Variants in PLD5 observed in about 807,000 individuals in gnomAD.
PLD5 encodes phospholipase D family member 5, also known as inactive phospholipase D5.
A neutral mutation model predicts 61.1 loss-of-function variants in PLD5; 36 were observed. The observed-to-expected ratio is 0.59, with a 90% CI of 0.45 to 0.78. PLD5 has a LOEUF of 0.78. Ranked by LOEUF, PLD5 falls within the 30% of genes least tolerant of loss-of-function variation. The probability of loss-of-function intolerance (pLI) is 0.00; values close to 1 mark genes in which losing one functional copy is unlikely to be tolerated. For missense variants in PLD5, 515 were observed against 644.4 expected (o/e 0.80, Z 2.17); for synonymous variants, 243 against 242.8 (o/e 1.00, Z -0.01).
chr1:242,148,262 AAATT>A (rs1005380830), intron 5 of PLD5, among the ~76,000 whole-genome samples: 2 of 150,026 alleles, frequency 1.3e-5, no homozygotes, highest in African/African-American at 2.4e-5. Context: ...CACTTGTTGA[AAATT>A]AATCGGCTTT....
chr1:242,529,800 T>TTCCC, the PLD5 span, among the ~76,000 whole-genome samples: 1 of 149,738 alleles, frequency 6.7e-6, no homozygotes, highest in African/African-American at 2.5e-5. Flanking sequence ...CCTTCCTTCC[T>TTCCC]TCCTTCCTTC....
At chr1:242,483,395 C>G (rs1667851466) in intron 1 of PLD5, among the ~76,000 whole-genome samples, 1 of 152,088 alleles carries the variant, frequency 6.6e-6, no homozygotes, top group African/African-American at 2.4e-5. Context: ...CAAAAAAAGG[C>G]AGGGGTTTCA....
intron 1 of PLD5, among the ~76,000 whole-genome samples, chr1:242,463,826 T>G (rs1384842659): frequency 6.6e-6 from 1 of 152,038 alleles, no homozygotes; most frequent in East Asian, 1.9e-4. Context: ...GCATACAGAA[T>G]ACTATTATTT....
intron 2 of PLD5, among the ~76,000 whole-genome samples, chr1:242,289,327 C>A (rs1462235472): frequency 3.3e-5 from 5 of 152,022 alleles, no homozygotes; most frequent in Admixed American, 1.3e-4. Flanking sequence ...CTTTATTAAG[C>A]TTTATTTATT....
In PLD5 at chr1:242,340,448, G is replaced by T. The variant is rs368232137; in HGVS notation, c.326+7658C>A. Among the ~76,000 whole-genome samples, 80 of 151,796 alleles carry T rather than the reference G, an allele frequency of 5.3e-4. 2 individuals carry two copies. The South Asian group carries it at 0.015, about 29-fold the overall frequency. ...GGGAAAATTTATAGTTTAAGAAAAG[G>T]GTGAAAAATGATAATAAGCTCTTCC... On this transcript the variant is annotated intron_variant, in intron 2 of 9. Coordinates refer to ENST00000536534, the MANE Select transcript of PLD5 (RefSeq NM_001372062.1).
At chr1:242,428,247 G>A (rs1048267137) in intron 1 of PLD5, among the ~76,000 whole-genome samples, 5 of 152,300 alleles carry the variant, frequency 3.3e-5, no homozygotes, top group Admixed American at 2.6e-4. Context: ...AAATCTGGTG[G>A]ATGAGAGAAA....
intron 1 of PLD5, among the ~76,000 whole-genome samples, chr1:242,493,325 A>G (rs999349138): frequency 2.6e-5 from 4 of 152,160 alleles, no homozygotes; most frequent in Admixed American, 6.5e-5. Flanking sequence ...GGGTTGGCCC[A>G]CAAGCTGGGA....
In PLD5 at chr1:242,173,139, G is replaced by A. The variant is rs544636178; in HGVS notation, c.735+46849C>T. On this transcript the variant is annotated intron_variant, in intron 5 of 9. Coordinates refer to ENST00000536534, the MANE Select transcript of PLD5 (RefSeq NM_001372062.1). ...GTCCCTGTTTGCAGATGACATGATTGTATATCTAGAAAACCCCATCGTCTC... is the reference window on the plus strand; with the variant it reads ...GTCCCTGTTTGCAGATGACATGATTATATATCTAGAAAACCCCATCGTCTC... 8.0e-3 allele frequency among the ~76,000 whole-genome samples: 1,220 copies of A among 152,222 alleles called. 21 individuals carry two copies. Among genetic ancestry groups the A allele is most frequent in the African/African-American group, 0.028 (1,166 of 41,530 alleles).
chr1:242,335,578 A>C (rs1326025312), intron 2 of PLD5, among the ~76,000 whole-genome samples: 1 of 152,190 alleles, frequency 6.6e-6, no homozygotes, highest in Non-Finnish European at 1.5e-5. Flanking sequence ...AAAAATAAGA[A>C]AGCATCTGCA....
intron 2 of PLD5, among the ~76,000 whole-genome samples, chr1:242,333,733 T>C (rs1659332488): frequency 6.6e-6 from 1 of 152,156 alleles, no homozygotes; most frequent in African/African-American, 2.4e-5. Context: ...TTCCCACATA[T>C]GAGTGAGAAC....
chr1:242,512,652 A>T (rs1444699990), intron 1 of PLD5, among the ~76,000 whole-genome samples: 1 of 152,194 alleles, frequency 6.6e-6, no homozygotes, highest in Admixed American at 6.5e-5. Context: ...CTCCCAAAAC[A>T]GTCTACCATA....
At chr1:242,259,976 C>T (rs1353351281) in intron 4 of PLD5, among the ~76,000 whole-genome samples, 1 of 152,058 alleles carries the variant, frequency 6.6e-6, no homozygotes, top group African/African-American at 2.4e-5. Flanking sequence ...AATAATATGA[C>T]TGGGCTATTA....
At chr1:242,349,930 A>G (rs1202453340) in intron 1 of PLD5, among the ~76,000 whole-genome samples, 1 of 152,146 alleles carries the variant, frequency 6.6e-6, no homozygotes, top group Non-Finnish European at 1.5e-5. Flanking sequence ...CCCAGCTAGT[A>G]AGGAGGCTGG....
At chr1:242,279,279 A>G (rs1051583760) in intron 3 of PLD5, among the ~76,000 whole-genome samples, 8 of 152,196 alleles carry the variant, frequency 5.3e-5, no homozygotes, top group African/African-American at 1.9e-4. Flanking sequence ...AAGTTGAACA[A>G]TGTTTATTAG....
intron 5 of PLD5, among the ~76,000 whole-genome samples, chr1:242,161,877 G>A (rs144043779): frequency 2.0e-5 from 3 of 152,130 alleles, no homozygotes; most frequent in East Asian, 1.9e-4. Context: ...GAGCTGCTAC[G>A]GTAAAGGGGA....
chr1:242,124,419 G>T, intron 6 of PLD5, 49 bp downstream of exon 6: 1 of 1,547,060 alleles, frequency 6.5e-7, no homozygotes, highest in Non-Finnish European at 8.9e-7. Context: ...TTAATAAAGA[G>T]CCTTTGGAGG....
At chr1:242,382,145 C>G (rs12060183) in intron 1 of PLD5, among the ~76,000 whole-genome samples, 4 of 129,452 alleles carry the variant, frequency 3.1e-5, no homozygotes, top group Non-Finnish European at 5.0e-5. Context: ...AAAAACAAAA[C>G]AAAAAACTGA....
intron 8 of PLD5, among the ~76,000 whole-genome samples, chr1:242,107,092 G>A (rs1486168820): frequency 6.6e-5 from 10 of 152,164 alleles, no homozygotes; most frequent in Non-Finnish European, 1.2e-4. Context: ...GAGGCATCTG[G>A]GCGGGGGGTC....
chr1:242,112,323 G>GTGTATATATA (rs1353476913), intron 7 of PLD5, among the ~76,000 whole-genome samples: 1 of 80,632 alleles, frequency 1.2e-5, no homozygotes, highest in East Asian at 3.4e-4. Context: ...GTGTGTGTGT[G>GTGTATATATA]TATGTATGTA....
Sources: allele counts gnomAD v4.1 joint callset (sites outside exome capture counted in the v4.1 genomes callset), GRCh38; gene constraint gnomAD v4.1.1; transcripts MANE v1.5; gene names NCBI Gene and HGNC (gene_info 2026-07-23, HGNC 2026-07-21).